The following BCAS3 variants were observed in gnomAD, a reference collection of about 807,000 sequenced individuals.
BCAS3 encodes BCAS4/BCAS3 fusion.
In BCAS3, 53 loss-of-function variants were observed where a neutral mutation model predicts 116.1. The ratio of observed to expected loss-of-function variants is 0.46; its 90% CI spans 0.37 to 0.57. The LOEUF (loss-of-function observed/expected upper bound fraction) is 0.57. Ranked by LOEUF, BCAS3 falls within the 20% of genes least tolerant of loss-of-function variation. The pLI is 0.00. For missense variants in BCAS3, 917 were observed against 1,165.4 expected, an observed-to-expected ratio of 0.79 and a Z score of 3.10; for synonymous variants, 391 against 408.2, an observed-to-expected ratio of 0.96 and a Z score of 0.51.
In BCAS3 at chr17:60,854,949, G is replaced by GTTTTTTTTTTTTTTT. The variant is rs1267985905; in HGVS notation, c.477-13620_477-13606dup. 5.7e-5 allele frequency among the ~76,000 whole-genome samples: 7 copies of GTTTTTTTTTTTTTTT among 121,954 alleles called. No homozygotes were observed. The East Asian group carries it at 7.3e-4, about 13-fold the overall frequency. 80.0% of individuals were successfully genotyped at this position (121,954 alleles called of 152,430 possible). On this transcript the variant is annotated intron_variant, in intron 7 of 23. Coordinates refer to ENST00000407086, the MANE Select transcript of BCAS3 (RefSeq NM_017679.5). ...ATTTTTCTTATTTATTTTCAGTGAG[G>GTTTTTTTTTTTTTTT]TTTTTTTTTTTTTTTTTTTTTGTAG...
At position 61,037,839 on chromosome 17, in the gene BCAS3, G is replaced by T; in HGVS notation, c.1763-50G>T. The T allele has an allele frequency of 6.6e-7, 1 of 1,519,528 alleles. No individual in the cohort carries two copies. The highest frequency in any genetic ancestry group is 9.0e-7 in the Non-Finnish European group (1 of 1,106,460). 94.1% of individuals were successfully genotyped at this position (1,519,528 alleles called of 1,614,324 possible). ...CATTAACTTGTAAAAATTATTCTGT[G>T]CTCCATTTATGCCATCATAACACAT... On this transcript the variant is annotated intron_variant, in intron 17 of 23. Transcript: ENST00000407086. This position sits in a 1 kb window ranked among gnomAD's most constrained non-coding sequence, Gnocchi z 4.7.
Position 61,026,824 on chromosome 17 carries a change from T to C in BCAS3, c.1638-7842T>C, listed in dbSNP as rs755062894. Reference sequence around the variant, plus strand: ...TGTATTTGCTAATGTTAAATGAGTTTTTCTCTAATTTTTTGTGCATTTTTC... The same window carrying C: ...TGTATTTGCTAATGTTAAATGAGTTCTTCTCTAATTTTTTGTGCATTTTTC... On this transcript the variant is annotated intron_variant, in intron 16 of 23. Transcript: ENST00000407086. The surrounding 1 kb of genome is among the most constrained non-coding windows in gnomAD (Gnocchi z 5.0). 1 of 1,551,566 alleles carries C rather than the reference T, an allele frequency of 6.4e-7. No homozygotes were observed. Among genetic ancestry groups the C allele is most frequent in the South Asian group, 1.2e-5 (1 of 84,840 alleles).
rs1602394824 is a variant in BCAS3 at position 61,282,356 on chromosome 17, A to G, written c.2426-85971A>G. Among the ~76,000 whole-genome samples, 1 of 152,206 alleles carries G rather than the reference A, an allele frequency of 6.6e-6. No individual in the cohort carries two copies. Among genetic ancestry groups the G allele is most frequent in the Non-Finnish European group, 1.5e-5 (1 of 68,042 alleles). On this transcript the variant is annotated intron_variant, in intron 22 of 23. Transcript: ENST00000407086. The surrounding 1 kb of genome is among the most constrained non-coding windows in gnomAD (Gnocchi z 5.9). ...GTTGGGAGCTGAATGAGAAGGGGCAATTGGGCCTCTGGTGAAAGGTTCTCC... is the reference window on the plus strand; with the variant it reads ...GTTGGGAGCTGAATGAGAAGGGGCAGTTGGGCCTCTGGTGAAAGGTTCTCC...
intron 14 of BCAS3, among the ~76,000 whole-genome samples, chr17:60,985,068 T>C (rs1382483277): frequency 6.7e-6 from 1 of 149,426 alleles, no homozygotes; most frequent in Non-Finnish European, 1.5e-5. Flanking sequence ...GTCAAATAAG[T>C]GCATAGTGAA....
chr17:60,757,552 C>T (rs1388118852), intron 6 of BCAS3, among the ~76,000 whole-genome samples: 2 of 151,622 alleles, frequency 1.3e-5, no homozygotes, highest in African/African-American at 4.8e-5. Flanking sequence ...TACGTATTGG[C>T]CATTAATATG....
intron 22 of BCAS3, among the ~76,000 whole-genome samples, chr17:61,262,505 C>T (rs187275158): frequency 2.4e-4 from 36 of 152,036 alleles, no homozygotes; most frequent in Admixed American, 1.6e-3. Context: ...TTCAGCCTCC[C>T]AAGTAGCTGG....
intron 5 of BCAS3, among the ~76,000 whole-genome samples, chr17:60,738,388 C>T (rs1482636071): frequency 1.3e-5 from 2 of 152,128 alleles, no homozygotes; most frequent in Non-Finnish European, 2.9e-5. Flanking sequence ...TGTTGTTAAG[C>T]ACATATGTAG....
In BCAS3 at chr17:61,082,893, C is replaced by T. The variant is rs2072752385; in HGVS notation, c.2328-1574C>T. 6.6e-6 allele frequency among the ~76,000 whole-genome samples: 1 copy of T among 152,168 alleles called. No homozygotes were observed. The highest frequency in any genetic ancestry group is 1.5e-5 in the Non-Finnish European group (1 of 68,016). On this transcript the variant is annotated intron_variant, in intron 21 of 23. Transcript: ENST00000407086. This position sits in a 1 kb window ranked among gnomAD's most constrained non-coding sequence, Gnocchi z 5.1. ...TAATAGATCATCCTATACCTCCCTC[C>T]TGTTTTTTCTTCCTCACAACAAAAG...
intron 5 of BCAS3, among the ~76,000 whole-genome samples, chr17:60,717,158 A>G (rs2038708370): frequency 6.6e-6 from 1 of 152,104 alleles, no homozygotes; most frequent in Admixed American, 6.6e-5. Context: ...CCAAGCCAGT[A>G]CAAACATTCT....
At chr17:61,121,785 C>G (rs2075802948) in intron 22 of BCAS3, among the ~76,000 whole-genome samples, 1 of 152,198 alleles carries the variant, frequency 6.6e-6, no homozygotes, top group Admixed American at 6.5e-5. Context: ...GGCTGGAGTG[C>G]AGTGGCATGA....
intron 22 of BCAS3, among the ~76,000 whole-genome samples, chr17:61,212,451 A>C (rs1001842295): frequency 1.3e-5 from 2 of 152,098 alleles, no homozygotes; most frequent in Non-Finnish European, 2.9e-5. Flanking sequence ...GTAATAAAGC[A>C]TAATTCTTTG....
Position 61,391,686 on chromosome 17 carries a change from T to G in BCAS3, c.2594-291T>G. ...TACGGGCTCATGAAGAGCTGTGTAG[T>G]CCACACACATCGTCAGGGTGGCCGT... On this transcript the variant is annotated intron_variant, in intron 23 of 23. Coordinates refer to ENST00000407086, the MANE Select transcript of BCAS3 (RefSeq NM_017679.5). This position sits in a 1 kb window ranked among gnomAD's most constrained non-coding sequence, Gnocchi z 7.7. The G allele has an allele frequency of 2.4e-6, 1 of 414,498 alleles. No individual in the cohort carries two copies. Among genetic ancestry groups the G allele is most frequent in the Non-Finnish European group, 4.4e-6 (1 of 225,984 alleles). The allele number at this position is 414,498 out of a possible 1,614,324, so 25.7% of individuals were successfully genotyped here. A position where few individuals can be genotyped will look rare whatever the true frequency, so the allele number is the denominator to read the frequency against.
Position 61,348,351 on chromosome 17 carries a change from G to A in BCAS3, c.2426-19976G>A, listed in dbSNP as rs998233240. 3.9e-5 allele frequency among the ~76,000 whole-genome samples: 6 copies of A among 152,346 alleles called. No individual in the cohort carries two copies. The South Asian group carries it at 1.2e-3, about 32-fold the overall frequency. On this transcript the variant is annotated intron_variant, in intron 22 of 23. Transcript: ENST00000407086. The surrounding 1 kb of genome is among the most constrained non-coding windows in gnomAD (Gnocchi z 4.5). The stretch of plus-strand genomic sequence containing the variant: ...GGAGGTGCCTGTGGAACATCCAAGT[G>A]AGGGTGCTTGGTCTTACGCAGATGG...
chr17:60,912,908 T>C lies in BCAS3; in HGVS notation c.993+2206T>C, dbSNP rs558109671. Among the ~76,000 whole-genome samples, 5 of 152,246 alleles carry C rather than the reference T, an allele frequency of 3.3e-5. No homozygotes were observed. The East Asian group carries it at 9.6e-4, about 29-fold the overall frequency. Reference sequence around the variant, plus strand: ...GGAGAGATTTGGGATTATTTCAAAATAGAAAATGTTATCTCAGTAATTTTG... The same window carrying C: ...GGAGAGATTTGGGATTATTTCAAAACAGAAAATGTTATCTCAGTAATTTTG... On this transcript the variant is annotated intron_variant, in intron 12 of 23. Coordinates refer to ENST00000407086, the MANE Select transcript of BCAS3 (RefSeq NM_017679.5).
chr17:61,219,972 T>G lies in BCAS3; in HGVS notation c.2425+135408T>G, dbSNP rs531673411. ...AATAAGTTTGCCATTCCCACAACCT[T>G]TCAGAGGAAAATTCTGGTGTGCCGT... On this transcript the variant is annotated intron_variant, in intron 22 of 23. Transcript: ENST00000407086. This position sits in a 1 kb window ranked among gnomAD's most constrained non-coding sequence, Gnocchi z 5.2. Among the ~76,000 whole-genome samples the G allele has an allele frequency of 3.3e-5, 5 of 152,188 alleles. No homozygotes were observed. The East Asian group carries it at 9.6e-4, about 29-fold the overall frequency.
intron 14 of BCAS3, among the ~76,000 whole-genome samples, chr17:60,953,442 A>G (rs2060949822): frequency 6.6e-6 from 1 of 151,902 alleles, no homozygotes; most frequent in Admixed American, 6.6e-5. Flanking sequence ...GTTTGTTTAA[A>G]GTTCTTATAG....
At position 60,990,583 on chromosome 17, in the gene BCAS3, T is replaced by G. The variant is rs1032219907; in HGVS notation, c.1486+348T>G. Reference sequence around the variant, plus strand: ...TGTTCAATGGGACACTATAGTTTATTAAGAAATATTCATTGTTGGAAAGAA... The same window carrying G: ...TGTTCAATGGGACACTATAGTTTATGAAGAAATATTCATTGTTGGAAAGAA... On this transcript the variant is annotated intron_variant, in intron 15 of 23. Coordinates refer to ENST00000407086, the MANE Select transcript of BCAS3 (RefSeq NM_017679.5). The surrounding 1 kb of genome is among the most constrained non-coding windows in gnomAD (Gnocchi z 5.1). Among the ~76,000 whole-genome samples the G allele has an allele frequency of 6.6e-6, 1 of 152,122 alleles. No homozygotes were observed. The highest frequency in any genetic ancestry group is 1.5e-5 in the Non-Finnish European group (1 of 68,018).
chr17:61,292,513 G>A (rs1167811903), intron 22 of BCAS3, among the ~76,000 whole-genome samples: 2 of 152,176 alleles, frequency 1.3e-5, no homozygotes, highest in African/African-American at 2.4e-5. Context: ...TTAGCCAGGC[G>A]TGGTGGTGGG....
Position 61,038,050 on chromosome 17 carries a change from G to T in BCAS3, c.1924G>T (p.Val642Phe), listed in dbSNP as rs766648044. 8 of 1,613,366 alleles carry T rather than the reference G, an allele frequency of 5.0e-6. No homozygotes were observed. The highest frequency in any genetic ancestry group is 1.7e-5 in the Admixed American group (1 of 59,878). Residue 642 changes from valine to phenylalanine, a missense_variant, in exon 18 of 24, where the codon GTT (valine) becomes TTT (phenylalanine). Around this residue, in one of 3 missense-constraint regions of BCAS3, gnomAD observed 807 missense variants for 1,026.0 expected, o/e 0.79. Transcript: ENST00000407086. Reference sequence around the variant, plus strand: ...ATCGCCTCGAGCCAGCTGGACTCTGGTTAGGTAGTACCTCTTTTCTTTTTT... The same window carrying T: ...ATCGCCTCGAGCCAGCTGGACTCTGTTTAGGTAGTACCTCTTTTCTTTTTT... ...MTSPRASWTL[V>F]RTPQWNELQP...
Sources: gnomAD v4.1 joint callset for allele counts (sites outside exome capture counted in the v4.1 genomes callset) on GRCh38, gnomAD v4.1.1 for gene constraint, gnomAD v4.1.1 regional missense constraint, Gnocchi (gnomAD v3.1) non-coding constraint, MANE v1.5 for transcripts, NCBI Gene and HGNC (gene_info 2026-07-23, HGNC 2026-07-21) for gene names.